CAMTA1: variants seen among roughly 807,000 people sequenced by gnomAD.
CAMTA1 encodes the protein calmodulin binding transcription activator 1, also known as calmodulin-binding transcription activator 1.
CAMTA1 carries 27 observed loss-of-function variants against 170.9 expected under a neutral mutation model. The observed-to-expected ratio is 0.16, with a 90% CI of 0.12 to 0.22. CAMTA1 has a LOEUF of 0.22. Among genes scored for constraint, CAMTA1 ranks in the 10% least tolerant of loss-of-function variants. CAMTA1 has a pLI of 1.00. For synonymous variants in CAMTA1, 833 were observed against 891.5 expected (o/e 0.93, Z 1.17); for missense variants, 1,619 against 2,217.2 (o/e 0.73, Z 5.42).
intron 4 of CAMTA1, among the ~76,000 whole-genome samples, chr1:7,243,640 A>G (rs1352242877): frequency 6.6e-6 from 1 of 152,198 alleles, no homozygotes; most frequent in East Asian, 1.9e-4. Flanking sequence ...GCCTTGTAGT[A>G]TAGTTTGAAG....
At chr1:6,952,413 A>G (rs954285417) in intron 3 of CAMTA1, among the ~76,000 whole-genome samples, 3 of 137,960 alleles carry the variant, frequency 2.2e-5, no homozygotes, top group African/African-American at 8.1e-5. Context: ...CCTGGGGGAC[A>G]GAGCGAGACT....
intron 6 of CAMTA1, among the ~76,000 whole-genome samples, chr1:7,480,227 G>GT (rs1042614213): frequency 1.4e-5 from 2 of 143,030 alleles, no homozygotes; most frequent in South Asian, 4.5e-4. Flanking sequence ...GTACGTGTGT[G>GT]TGAGTGCATG....
At chr1:7,579,138 T>A (rs2095232882) in intron 6 of CAMTA1, among the ~76,000 whole-genome samples, 1 of 152,224 alleles carries the variant, frequency 6.6e-6, no homozygotes, top group Admixed American at 6.5e-5. Context: ...TGAGGCCACA[T>A]GGAGAGGGAC....
intron 3 of CAMTA1, among the ~76,000 whole-genome samples, chr1:7,035,356 C>T (rs569756660): frequency 1.1e-4 from 16 of 151,886 alleles, no homozygotes; most frequent in Admixed American, 2.0e-4. Flanking sequence ...GCCGAGATTG[C>T]GCCATTGCAC....
At chr1:7,481,801 CT>C (rs34493010) in intron 6 of CAMTA1, among the ~76,000 whole-genome samples, 84 of 146,986 alleles carry the variant, frequency 5.7e-4, no homozygotes, top group Non-Finnish European at 5.7e-4. Flanking sequence ...GCATACAGTT[CT>C]TTTTTTTTTT....
At chr1:7,637,252 G>C (rs979336453) in intron 6 of CAMTA1, among the ~76,000 whole-genome samples, 1 of 152,232 alleles carries the variant, frequency 6.6e-6, no homozygotes, top group Non-Finnish European at 1.5e-5. Flanking sequence ...GGCAGGATGC[G>C]GCAGTCCTTT....
At chr1:7,062,580 G>A (rs1708382854) in intron 3 of CAMTA1, among the ~76,000 whole-genome samples, 2 of 152,160 alleles carry the variant, frequency 1.3e-5, no homozygotes, top group Non-Finnish European at 2.9e-5. Flanking sequence ...CCGAGCAGCC[G>A]CGCTAAGGAG....
chr1:7,053,848 G>T (rs559452127), intron 3 of CAMTA1, among the ~76,000 whole-genome samples: 1 of 152,208 alleles, frequency 6.6e-6, no homozygotes, highest in Admixed American at 6.5e-5. Context: ...GTGAATGAAT[G>T]AGTGAATGAA....
intron 6 of CAMTA1, among the ~76,000 whole-genome samples, chr1:7,515,285 CT>C (rs1344461153): frequency 5.3e-5 from 8 of 152,232 alleles, no homozygotes; most frequent in African/African-American, 1.9e-4. Flanking sequence ...GCTTCCTGCT[CT>C]TGTGGCCTTG....
chr1:7,301,414 T>G (rs1574526601), intron 5 of CAMTA1, among the ~76,000 whole-genome samples: 1 of 152,254 alleles, frequency 6.6e-6, no homozygotes, highest in Non-Finnish European at 1.5e-5. Context: ...ATCAACTTCC[T>G]TGACTTTGTG....
chr1:7,417,028 A>G (rs1375370138), intron 5 of CAMTA1, among the ~76,000 whole-genome samples: 1 of 152,270 alleles, frequency 6.6e-6, no homozygotes, highest in Non-Finnish European at 1.5e-5. Context: ...GGTCCACTCC[A>G]GATCCTGTTT....
At chr1:6,898,757 C>T (rs1676208560) in intron 3 of CAMTA1, among the ~76,000 whole-genome samples, 1 of 152,216 alleles carries the variant, frequency 6.6e-6, no homozygotes, top group Non-Finnish European at 1.5e-5. Flanking sequence ...CTCAAATGAG[C>T]TTTGCTTTGC....
rs766717593 is a variant in CAMTA1, at chr1:7,561,789, C to T, written c.511-78611C>T. 3.9e-5 allele frequency among the ~76,000 whole-genome samples: 6 copies of T among 152,060 alleles called. No individual in the cohort carries two copies. Among genetic ancestry groups the T allele is most frequent in the African/African-American group, 7.2e-5 (3 of 41,430 alleles). On this transcript the variant is annotated intron_variant, in intron 6 of 22. Transcript: ENST00000303635. This position sits in a 1 kb window ranked among gnomAD's most constrained non-coding sequence, Gnocchi z 5.3. The stretch of plus-strand genomic sequence containing the variant: ...ACAGGCCATGGTGTTAGCCTCTCCA[C>T]GCTACCTCCCACAAGCAGAAATGAC...
Position 7,167,290 on chromosome 1 carries a change from G to A in CAMTA1, c.302+75919G>A, listed in dbSNP as rs78655935. ...TGTAGGAAAATTCTCCTTTTTTTCC[G>A]TGTTGGAAAGAGGTGTCCCATGCAT... On this transcript the variant is annotated intron_variant, in intron 4 of 22. Coordinates refer to ENST00000303635, the MANE Select transcript of CAMTA1 (RefSeq NM_015215.4). Among the ~76,000 whole-genome samples the A allele has an allele frequency of 9.4e-3, 1,419 of 151,536 alleles. 18 individuals carry two copies. Among genetic ancestry groups the A allele is most frequent in the African/African-American group, 0.032 (1,305 of 41,280 alleles).
rs1054947068 is a variant in CAMTA1, at chr1:7,007,545, G to A, written c.235-83759G>A. The stretch of plus-strand genomic sequence containing the variant: ...GATACCTGGCGTGGTCCTCCTGACC[G>A]GGGCTCAGTTTACCTCCTGCTTCAG... On this transcript the variant is annotated intron_variant, in intron 3 of 22. Transcript: ENST00000303635. The surrounding 1 kb of genome is among the most constrained non-coding windows in gnomAD (Gnocchi z 4.5). Among the ~76,000 whole-genome samples the A allele has an allele frequency of 1.3e-5, 2 of 152,134 alleles. No homozygotes were observed. Among genetic ancestry groups the A allele is most frequent in the Non-Finnish European group, 2.9e-5 (2 of 68,020 alleles).
At chr1:7,102,555 GC>G (rs1642869272) in intron 4 of CAMTA1, among the ~76,000 whole-genome samples, 1 of 152,222 alleles carries the variant, frequency 6.6e-6, no homozygotes, top group African/African-American at 2.4e-5. Context: ...CGACGTCTAG[GC>G]AGGTGATGAA....
chr1:7,288,651 C>T (rs927215914), intron 5 of CAMTA1, among the ~76,000 whole-genome samples: 1 of 152,144 alleles, frequency 6.6e-6, no homozygotes, highest in Non-Finnish European at 1.5e-5. Context: ...GTGCTATGAG[C>T]AACAGAAGCA....
chr1:6,796,814 G>A (rs369726895), intron 1 of CAMTA1, among the ~76,000 whole-genome samples: 1 of 152,092 alleles, frequency 6.6e-6, no homozygotes, highest in Admixed American at 6.5e-5. Context: ...TTCTTCTGCA[G>A]GCCAAATTTC....
intron 3 of CAMTA1, among the ~76,000 whole-genome samples, chr1:6,927,001 G>T (rs995738829): frequency 6.6e-6 from 1 of 151,800 alleles, no homozygotes; most frequent in Admixed American, 6.6e-5. Context: ...AAAGTGCTAG[G>T]TCTCCCAAAG....
Sources: gnomAD v4.1 joint callset for allele counts (sites outside exome capture counted in the v4.1 genomes callset) on GRCh38, gnomAD v4.1.1 for gene constraint, Gnocchi (gnomAD v3.1) non-coding constraint, MANE v1.5 for transcripts, NCBI Gene and HGNC (gene_info 2026-07-23, HGNC 2026-07-21) for gene names.